ZDHHC6: variants seen among roughly 807,000 people sequenced by gnomAD.
ZDHHC6 encodes the protein palmitoyltransferase ZDHHC6.
Under a neutral mutation model 57.8 loss-of-function variants are expected in ZDHHC6, and 32 were observed. That is an observed-to-expected ratio of 0.55 (90% CI 0.42 to 0.74). The LOEUF (loss-of-function observed/expected upper bound fraction) is 0.74, where lower values mean the gene tolerates loss of function less well. Ranked by LOEUF, ZDHHC6 falls within the 30% of genes least tolerant of loss-of-function variation. ZDHHC6 has a pLI of 0.00. For missense variants in ZDHHC6, 433 were observed against 500.7 expected (o/e 0.86, Z 1.29); for synonymous variants, 128 against 158.0 (o/e 0.81, Z 1.42).
intron 7 of ZDHHC6, chr10:112,433,514 A>ATC (rs1845234174): frequency 5.3e-6 from 2 of 380,300 alleles, no homozygotes; most frequent in Non-Finnish European, 9.5e-6. Context: ...TAATGTCCTC[A>ATC]TCTGTGTATA....
At chr10:112,424,944 T>G in exon 12 of ZDHHC6, 1 of 154,884 alleles carries the variant, frequency 6.5e-6, no homozygotes, top group Non-Finnish European at 1.4e-5. Flanking sequence ...GTGGGAGAAC[T>G]ATTCAAATCA....
chr10:112,445,210 A>G lies in ZDHHC6; in HGVS notation c.227T>C (p.Met76Thr), dbSNP rs1019991754. The change falls in exon 2 of 11, where the codon ATG becomes ACG. Residue 76 changes from methionine (M) to threonine (T), a missense_variant. Met to Thr is a moderately conservative substitution (Grantham distance 81). Transcript: ENST00000369405. ...AGGGACAAAGCCCGGACCGACAAAC[A>G]TGGCATTGAAGTAATTATAAAGAAT... ...VMILYNYFNA[M>T]FVGPGFVPLG... The G allele has an allele frequency of 1.9e-6, 3 of 1,614,126 alleles. No individual in the cohort carries two copies. Among genetic ancestry groups the G allele is most frequent in the African/African-American group, 1.3e-5 (1 of 75,070 alleles).
rs151081647 is a variant in ZDHHC6 at position 112,430,850 on chromosome 10, T to G, written c.1196A>C (p.Asp399Ala). Residue 399 changes from aspartate to alanine, a missense_variant, in exon 11 of 11, where the codon GAT becomes GCT. By Grantham distance (126) the Asp-to-Ala change is moderately radical. Coordinates refer to ENST00000369405, the MANE Select transcript of ZDHHC6 (RefSeq NM_022494.3). The part of the protein sequence containing the change: ...PRKCVEKCPC[D>A]AETDQAPEGE... ...CTCTGGGGCTTGATCTGTTTCAGCA[T>G]CACAGGGACACTTTTCCACACATTT... 6.2e-7 allele frequency: 1 copy of G among 1,614,014 alleles called. No homozygotes were observed. Among genetic ancestry groups the G allele is most frequent in the Non-Finnish European group, 8.5e-7 (1 of 1,179,932 alleles).
At chr10:112,426,245 T>G (rs747922179), downstream of ZDHHC6, 1 of 1,610,136 alleles carries the variant, frequency 6.2e-7, no homozygotes, top group East Asian at 2.2e-5. Flanking sequence ...CACCTTTTAT[T>G]TCCTTTCCAT....
At chr10:112,426,660 G>A (rs528099554), downstream of ZDHHC6, 42 of 795,174 alleles carry the variant, frequency 5.3e-5, no homozygotes, top group Non-Finnish European at 8.4e-5. Flanking sequence ...CATATAATGT[G>A]CTTGTGCATA....
At chr10:112,441,452 C>T (rs1465110186) in intron 4 of ZDHHC6, among the ~76,000 whole-genome samples, 1 of 152,140 alleles carries the variant, frequency 6.6e-6, no homozygotes, top group Non-Finnish European at 1.5e-5. Flanking sequence ...CAAATATGGC[C>T]ACAGATGTGT....
In ZDHHC6 at chr10:112,445,180, C is replaced by T. The variant is rs114644772; in HGVS notation, c.257G>A (p.Gly86Glu). Residue 86 changes from glycine to glutamate, a missense_variant, in exon 2 of 11, where the codon GGG (glycine) becomes GAG (glutamate). Coordinates refer to ENST00000369405, the MANE Select transcript of ZDHHC6 (RefSeq NM_022494.3). Reference protein sequence around the residue: ...MFVGPGFVPLGWKPEISQDTM... With the variant: ...MFVGPGFVPLEWKPEISQDTM... ...CAGAATCTTTCTTACCGGTTTCCAC[C>T]CCAGAGGGACAAAGCCCGGACCGAC... 1.4e-3 allele frequency: 2,243 copies of T among 1,612,402 alleles called. 24 individuals are homozygous for T. In the African/African-American group the frequency reaches 0.016, roughly 11 times the overall value.
downstream of ZDHHC6, among the ~76,000 whole-genome samples, chr10:112,427,058 C>G (rs1844754360): frequency 6.6e-6 from 1 of 152,198 alleles, no homozygotes; most frequent in African/African-American, 2.4e-5. Flanking sequence ...TCTCCCTACT[C>G]ATTACTTTCT....
intron 3 of ZDHHC6, 74 bp downstream of exon 3, chr10:112,443,441 T>C (rs1394303657): frequency 3.1e-6 from 4 of 1,278,188 alleles, no homozygotes; most frequent in African/African-American, 3.0e-5. Flanking sequence ...GTAGCACTAA[T>C]GTAGTATAAG....
chr10:112,426,992 C>A, downstream of ZDHHC6: 12 of 910,750 alleles, frequency 1.3e-5, no homozygotes, highest in Non-Finnish European at 1.9e-5. Context: ...ACAAAATGAC[C>A]TTTTGTAGTT....
intron 4 of ZDHHC6, among the ~76,000 whole-genome samples, chr10:112,441,266 A>C (rs1245665105): frequency 6.6e-6 from 1 of 152,268 alleles, no homozygotes; most frequent in African/African-American, 2.4e-5. Flanking sequence ...AGACCTTACC[A>C]ACATTAACAT....
chr10:112,426,457 C>A, downstream of ZDHHC6: 2 of 972,776 alleles, frequency 2.1e-6, no homozygotes, highest in Non-Finnish European at 3.2e-6. Context: ...GTGGCTGCAG[C>A]CCAAACAGAC....
intron 10 of ZDHHC6, among the ~76,000 whole-genome samples, 196 bp from the exon 11 acceptor site, chr10:112,431,103 T>G (rs1207574803): frequency 6.6e-6 from 1 of 152,164 alleles, no homozygotes; most frequent in African/African-American, 2.4e-5. Flanking sequence ...TAGGAACAGG[T>G]ATTTCCCAAA....
At chr10:112,427,142 C>T, downstream of ZDHHC6, 1 of 1,448,798 alleles carries the variant, frequency 6.9e-7, no homozygotes, top group South Asian at 1.4e-5. Flanking sequence ...TCACTTTCTT[C>T]ACAGAGCACT....
chr10:112,437,611 T>A (rs1224432148), intron 6 of ZDHHC6, among the ~76,000 whole-genome samples: 1 of 152,222 alleles, frequency 6.6e-6, no homozygotes, highest in Non-Finnish European at 1.5e-5. Flanking sequence ...AATCCAACCA[T>A]CTTCTCTTAA....
Position 112,438,330 on chromosome 10 carries a change from AT to A in ZDHHC6, c.735+5del. 7.6e-7 allele frequency: 1 copy of A among 1,321,870 alleles called. No individual in the cohort carries two copies. The highest frequency in any genetic ancestry group is 1.0e-6 in the Non-Finnish European group (1 of 996,866). The allele number at this position is 1,321,870 out of a possible 1,614,324, so 81.9% of individuals were successfully genotyped here. ...TAATATTGAAGAAACAATTATTAAA[AT>A]TTACCTTCTCTTCAATCCATGACTC... On this transcript the variant is annotated splice_donor_5th_base_variant and intron_variant, in intron 6 of 10. Coordinates refer to ENST00000369405, the MANE Select transcript of ZDHHC6 (RefSeq NM_022494.3).
chr10:112,428,903 C>T (rs907091448), downstream of ZDHHC6, among the ~76,000 whole-genome samples: 5 of 152,176 alleles, frequency 3.3e-5, no homozygotes, highest in East Asian at 3.8e-4. Context: ...TTCTAGTCTG[C>T]GAACAGGTTA....
intron 6 of ZDHHC6, among the ~76,000 whole-genome samples, chr10:112,438,040 C>T (rs1188173236): frequency 6.6e-6 from 1 of 152,216 alleles, no homozygotes. Context: ...GCTTTCTCCT[C>T]TAGTCTAAGA....
intron 7 of ZDHHC6, 21 bp from the exon 8 acceptor site, chr10:112,433,302 G>A (rs778488730): frequency 6.5e-7 from 1 of 1,541,962 alleles, no homozygotes; most frequent in Non-Finnish European, 8.7e-7. Flanking sequence ...GAAATAAAAA[G>A]AAAAAAATGA....
Sources: allele counts gnomAD v4.1 joint callset (sites outside exome capture counted in the v4.1 genomes callset), GRCh38; gene constraint gnomAD v4.1.1; transcripts MANE v1.5; gene names NCBI Gene and HGNC (gene_info 2026-07-23, HGNC 2026-07-21).